Variants in CTSZ observed in about 807,000 individuals in gnomAD.
CTSZ encodes cathepsin Z.
In CTSZ, 39 loss-of-function variants were observed where a neutral mutation model predicts 32.4. That is an observed-to-expected ratio of 1.20 (90% CI 0.93 to 1.57). The LOEUF (loss-of-function observed/expected upper bound fraction) is 1.57, where lower values mean the gene tolerates loss of function less well. Among genes scored for constraint, CTSZ ranks in the 40% most tolerant of loss-of-function variants. The pLI, the probability that CTSZ is intolerant of heterozygous loss-of-function variation, is 0.00. For missense variants in CTSZ, 397 were observed against 419.6 expected (o/e 0.95, Z 0.47); for synonymous variants, 168 against 170.1 (o/e 0.99, Z 0.10).
chr20:58,996,890 C>T (rs2091863154), intron 4 of CTSZ, 89 bp from the exon 5 acceptor site: 1 of 1,447,246 alleles, frequency 6.9e-7, no homozygotes. Flanking sequence ...GGCGCCGTGG[C>T]TCACGCCTGT....
Position 59,002,775 on chromosome 20 carries a change from T to C in CTSZ, c.308-1131A>G, listed in dbSNP as rs1321096890. Reference sequence around the variant, plus strand: ...CCCTCTTCCTGGAGCAGCCGGTGGCTGGTTTGTCCCCTCCCACCTGACCGA... The same window carrying C: ...CCCTCTTCCTGGAGCAGCCGGTGGCCGGTTTGTCCCCTCCCACCTGACCGA... On this transcript the variant is annotated intron_variant, in intron 2 of 5. Transcript: ENST00000217131. The surrounding 1 kb of genome is among the most constrained non-coding windows in gnomAD (Gnocchi z 4.1). Among the ~76,000 whole-genome samples the C allele has an allele frequency of 6.6e-6, 1 of 152,136 alleles. No individual in the cohort carries two copies. The highest frequency in any genetic ancestry group is 1.5e-5 in the Non-Finnish European group (1 of 68,024).
chr20:58,999,402 GGCCTCA>G (rs1042620680), intron 3 of CTSZ, among the ~76,000 whole-genome samples: 17 of 152,138 alleles, frequency 1.1e-4, no homozygotes, highest in African/African-American at 3.9e-4. Flanking sequence ...GGAGGGGCCT[GGCCTCA>G]GCTGGGCGAG....
chr20:58,996,713 C>A lies in CTSZ; in HGVS notation c.727G>T (p.Val243Phe), dbSNP rs751039397. ...CTGATGCCCCACCCAGCCACAGAAA[C>A]GACATGGTTTATATATGTGGTGTCC... ...YQDTTYINHV[V>F]SVAGWGISDG... Residue 243 changes from valine (V) to phenylalanine (F), a missense_variant, in exon 5 of 6, where the codon GTT becomes TTT. By Grantham distance (50) the Val-to-Phe change is conservative. Coordinates refer to ENST00000217131, the MANE Select transcript of CTSZ (RefSeq NM_001336.4). 2 of 1,614,164 alleles carry A rather than the reference C, an allele frequency of 1.2e-6. No individual in the cohort carries two copies. Among genetic ancestry groups the A allele is most frequent in the Non-Finnish European group, 1.7e-6 (2 of 1,180,014 alleles).
chr20:58,998,228 T>C (rs1050894782), intron 3 of CTSZ, among the ~76,000 whole-genome samples: 13 of 151,962 alleles, frequency 8.6e-5, no homozygotes, highest in African/African-American at 3.1e-4. Flanking sequence ...TATTTCGACT[T>C]AAGAGGTTAT....
Position 59,007,039 on chromosome 20 carries a change from T to C in CTSZ, c.90A>G (p.Gly30=). The part of the protein sequence containing the change: ...AAQGGLYFRR[G]QTCYRPLRGD... ...CCCGCAGAGGCCGGTAGCAGGTCTG[T>C]CCCCGGCGGAAGTAGAGGCCGCCCT... The change falls in exon 1 of 6, where the codon GGA becomes GGG. Residue 30 remains glycine (G), a synonymous_variant. Transcript: ENST00000217131. 1 of 1,471,676 alleles carries C rather than the reference T, an allele frequency of 6.8e-7. No homozygotes were observed. 91.2% of individuals were successfully genotyped at this position (1,471,676 alleles called of 1,614,324 possible).
intron 2 of CTSZ, among the ~76,000 whole-genome samples, chr20:59,005,340 T>C (rs999041963): frequency 6.6e-6 from 1 of 152,168 alleles, no homozygotes; most frequent in Non-Finnish European, 1.5e-5. Context: ...AAGCCCAGGC[T>C]TCCGGGCTCA....
chr20:58,997,322 ATTCC>A (rs2091865857), intron 4 of CTSZ: 3 of 307,776 alleles, frequency 9.7e-6, no homozygotes, highest in Non-Finnish European at 1.8e-5. Flanking sequence ...TCTCATCCGC[ATTCC>A]GCACAACCAT....
chr20:58,997,566 C>T, intron 4 of CTSZ, 37 bp downstream of exon 4: 1 of 1,509,514 alleles, frequency 6.6e-7, no homozygotes, highest in Non-Finnish European at 8.9e-7. Context: ...CTTTCCTCAC[C>T]CGCAAACCTC....
Position 59,004,455 on chromosome 20 carries a change from A to G in CTSZ, c.307+1867T>C, listed in dbSNP as rs1197268907. The stretch of plus-strand genomic sequence containing the variant: ...GGCCCCAGGTGGCAGTGGAAAGAAC[A>G]GTGCCGGTGGAGTGGCAGAGGTGGG... On this transcript the variant is annotated intron_variant, in intron 2 of 5. Transcript: ENST00000217131. This position sits in a 1 kb window ranked among gnomAD's most constrained non-coding sequence, Gnocchi z 5.6. Among the ~76,000 whole-genome samples the G allele has an allele frequency of 1.3e-5, 2 of 151,888 alleles. No homozygotes were observed. Among genetic ancestry groups the G allele is most frequent in the Non-Finnish European group, 2.9e-5 (2 of 67,952 alleles).
At position 58,998,310 on chromosome 20, in the gene CTSZ, G is replaced by A. The variant is rs143909109; in HGVS notation, c.488-557C>T. ...AATCCCAGCTCTTTGGGAGGCCGAG[G>A]TGGGTGGATCACCTGAGGTCAGGAG... On this transcript the variant is annotated intron_variant, in intron 3 of 5. Transcript: ENST00000217131. 3.4e-3 allele frequency among the ~76,000 whole-genome samples: 513 copies of A among 152,278 alleles called. 13 individuals are homozygous for A. The East Asian group carries it at 0.062, about 18-fold the overall frequency.
rs202127342 is a variant in CTSZ, at chr20:58,997,661, C to T, written c.580G>A (p.Gly194Ser). The change falls in exon 4 of 6, where the codon GGC becomes AGC. Residue 194 changes from glycine to serine, a missense_variant. By Grantham distance (56) the Gly-to-Ser change is moderately conservative. Coordinates refer to ENST00000217131, the MANE Select transcript of CTSZ (RefSeq NM_001336.4). ...NYTLWRVGDY[G>S]SLSGREKMMA... ...ATCTTCTCCCTCCCAGAGAGGGAGC[C>T]GTAGTCTCCCACCCTCCAGAGGGTG... 21 of 1,609,570 alleles carry T rather than the reference C, an allele frequency of 1.3e-5. No individual in the cohort carries two copies. The highest frequency in any genetic ancestry group is 1.6e-4 in the Middle Eastern group (1 of 6,070).
At chr20:58,998,249 G>T (rs1167221312) in intron 3 of CTSZ, among the ~76,000 whole-genome samples, 7 of 150,384 alleles carry the variant, frequency 4.7e-5, no homozygotes, top group Non-Finnish European at 1.0e-4. Flanking sequence ...CAAGAATTAG[G>T]CTTAAAAAAT....
rs1174528036 is a variant in CTSZ, at chr20:59,002,094, T to C, written c.308-450A>G. ...AAGGTGTCAGCTCTGTGAACGAGTA[T>C]AGCCCAGGGAGCCGCATGAGCCCCA... On this transcript the variant is annotated intron_variant, in intron 2 of 5. Coordinates refer to ENST00000217131, the MANE Select transcript of CTSZ (RefSeq NM_001336.4). This position sits in a 1 kb window ranked among gnomAD's most constrained non-coding sequence, Gnocchi z 4.1. 6.6e-6 allele frequency among the ~76,000 whole-genome samples: 1 copy of C among 152,246 alleles called. No individual in the cohort carries two copies. The highest frequency in any genetic ancestry group is 1.5e-5 in the Non-Finnish European group (1 of 68,048).
chr20:59,003,903 T>G (rs557765312), intron 2 of CTSZ, among the ~76,000 whole-genome samples: 1 of 152,256 alleles, frequency 6.6e-6, no homozygotes, highest in South Asian at 2.1e-4. Context: ...CATGTTCTGA[T>G]GGGTTGTCAC....
chr20:58,998,563 A>G (rs1224661737), intron 3 of CTSZ, among the ~76,000 whole-genome samples: 1 of 149,992 alleles, frequency 6.7e-6, no homozygotes, highest in Non-Finnish European at 1.5e-5. Flanking sequence ...AAAGAAAGAA[A>G]GAAAGAAAGA....
rs2146359604 is a variant in CTSZ, at chr20:58,995,979, C to G, written c.802-220G>C. On this transcript the variant is annotated intron_variant, in intron 5 of 5. Transcript: ENST00000217131. The stretch of plus-strand genomic sequence containing the variant: ...GGTTAATGTTTAACATGAGGGCCCT[C>G]TATGCCAGAAGTGAATTCATCTCAC... Among the ~76,000 whole-genome samples the G allele has an allele frequency of 1.3e-5, 2 of 152,316 alleles. 1 individual carries two copies.
chr20:58,998,887 C>T (rs1340136942), intron 3 of CTSZ, among the ~76,000 whole-genome samples: 1 of 152,240 alleles, frequency 6.6e-6, no homozygotes, highest in Non-Finnish European at 1.5e-5. Flanking sequence ...GGAACATGAG[C>T]ACCTTGAGGC....
chr20:58,998,705 T>A (rs986547017), intron 3 of CTSZ, among the ~76,000 whole-genome samples: 7 of 151,948 alleles, frequency 4.6e-5, no homozygotes, highest in African/African-American at 1.2e-4. Context: ...AGAAAAAAAA[T>A]TTTATAAATT....
Position 59,002,054 on chromosome 20 carries a change from C to T in CTSZ, c.308-410G>A, listed in dbSNP as rs926014302. 2.0e-5 allele frequency among the ~76,000 whole-genome samples: 3 copies of T among 152,272 alleles called. No individual in the cohort carries two copies. Among genetic ancestry groups the T allele is most frequent in the East Asian group, 1.9e-4 (1 of 5,200 alleles). On this transcript the variant is annotated intron_variant, in intron 2 of 5. Transcript: ENST00000217131. This position sits in a 1 kb window ranked among gnomAD's most constrained non-coding sequence, Gnocchi z 4.1. ...AGCCAGGAGAGACCGTCCCTGCCCT[C>T]GTGGACAGGGGGCCAAGGTGTCAGC...
Sources: gnomAD v4.1 joint callset for allele counts (sites outside exome capture counted in the v4.1 genomes callset) on GRCh38, gnomAD v4.1.1 for gene constraint, Gnocchi (gnomAD v3.1) non-coding constraint, MANE v1.5 for transcripts, NCBI Gene and HGNC (gene_info 2026-07-23, HGNC 2026-07-21) for gene names.